RABL3: variants seen among roughly 807,000 people sequenced by gnomAD.
RABL3 encodes rab-like protein 3.
Under a neutral mutation model 31.8 loss-of-function variants are expected in RABL3, and 31 were observed. The ratio of observed to expected loss-of-function variants is 0.97; its 90% CI spans 0.73 to 1.31. RABL3 has a LOEUF of 1.31. RABL3 is among the 40% of genes most tolerant of loss of function. The probability of loss-of-function intolerance (pLI) is 0.00; values close to 1 mark genes in which losing one functional copy is unlikely to be tolerated. For missense variants in RABL3, 263 were observed against 279.6 expected, an observed-to-expected ratio of 0.94 and a Z score of 0.42; for synonymous variants, 97 against 99.9, an observed-to-expected ratio of 0.97 and a Z score of 0.18.
rs1708295318 is a variant in RABL3, at chr3:120,685,187, C to A, written c.*4636G>T. On this transcript the variant is annotated 3_prime_UTR_variant, in exon 8 of 8. Transcript: ENST00000273375. ...GATAGAAAGTGGAAAACATTACATC[C>A]AGGAATTGCTACAAGGTAATGTGAA... 6.6e-6 allele frequency among the ~76,000 whole-genome samples: 1 copy of A among 152,110 alleles called. No individual in the cohort carries two copies. The highest frequency in any genetic ancestry group is 2.1e-4 in the South Asian group (1 of 4,824).
rs146404343 is a variant in RABL3, at chr3:120,706,003, T to C, written c.380A>G (p.Asn127Ser). 21 of 1,596,040 alleles carry C rather than the reference T, an allele frequency of 1.3e-5. No individual in the cohort carries two copies. The highest frequency in any genetic ancestry group is 1.6e-5 in the Non-Finnish European group (19 of 1,163,478). ...DLVPTGVLVT[N>S]GDYDQEQFAD... ...ACCAATTGTGAAATTGGCTCACCCA[T>C]TTGTCACCAAGACTCCAGTTGGCAC... The change falls in exon 4 of 8, where the codon AAT becomes AGT. Residue 127 changes from asparagine to serine, a missense_variant. Physicochemically the swap from Asn to Ser is conservative, Grantham distance 46. Transcript: ENST00000273375.
rs150410018 is a variant in RABL3, at chr3:120,694,013, A to T, written c.606+140T>A. ...AGGCCTTGGGCAATTATACCAACAG[A>T]TAAGAGAGATCAAAACAAGGATTAT... is the stretch of plus-strand genomic sequence containing the variant. On this transcript the variant is annotated intron_variant, in intron 6 of 7. Transcript: ENST00000273375. 3 of 571,208 alleles carry T rather than the reference A, an allele frequency of 5.3e-6. No homozygotes were observed. In the East Asian group the frequency reaches 8.4e-5, roughly 16 times the overall value. 35.4% of individuals were successfully genotyped at this position (571,208 alleles called of 1,614,324 possible).
At chr3:120,713,995 A>T (rs1451969259) in intron 2 of RABL3, among the ~76,000 whole-genome samples, 1 of 152,092 alleles carries the variant, frequency 6.6e-6, no homozygotes, top group Non-Finnish European at 1.5e-5. Flanking sequence ...ATTTTTTAGT[A>T]GAAATGGGGT....
intron 2 of RABL3, chr3:120,710,586 A>T (rs1200057572): frequency 6.6e-6 from 1 of 152,080 alleles, no homozygotes; most frequent in Non-Finnish European, 1.5e-5. Context: ...CTGTTTTCTT[A>T]GGCTGCCTAT....
At chr3:120,717,515 C>G (rs1708685380) in intron 2 of RABL3, among the ~76,000 whole-genome samples, 1 of 152,118 alleles carries the variant, frequency 6.6e-6, no homozygotes. Flanking sequence ...GTTGCCCAGG[C>G]TGGAGTGCAG....
intron 1 of RABL3, among the ~76,000 whole-genome samples, chr3:120,741,260 C>T (rs1295780688): frequency 6.6e-6 from 1 of 152,204 alleles, no homozygotes; most frequent in African/African-American, 2.4e-5. Flanking sequence ...ATGAAGTCGA[C>T]ATAAATTGTG....
Position 120,709,866 on chromosome 3 carries a change from T to C in RABL3, c.182A>G (p.Tyr61Cys). The change falls in exon 3 of 8, where the codon TAC (tyrosine) becomes TGC (cysteine). Residue 61 changes from tyrosine (Y) to cysteine (C), a missense_variant. Physicochemically the swap from Tyr to Cys is radical, Grantham distance 194. Coordinates refer to ENST00000273375, the MANE Select transcript of RABL3 (RefSeq NM_173825.5). ...GCCTCCAACATCCCATAATTCTATG[T>C]AGTAGGTCTTCTCTTCTGGGGTTCC... The part of the protein sequence containing the change: ...KEGTPEEKTY[Y>C]IELWDVGGSV... 1 of 1,609,676 alleles carries C rather than the reference T, an allele frequency of 6.2e-7. No homozygotes were observed. Among genetic ancestry groups the C allele is most frequent in the South Asian group, 1.1e-5 (1 of 90,778 alleles).
At chr3:120,722,274 C>T (rs1270550941) in intron 2 of RABL3, 26 of 152,046 alleles carry the variant, frequency 1.7e-4, no homozygotes, top group Admixed American at 1.7e-3. Context: ...GGCTGCCCTC[C>T]ACCCTACCAT....
intron 2 of RABL3, chr3:120,722,097 C>T (rs986663592): frequency 2.0e-5 from 3 of 152,206 alleles, no homozygotes; most frequent in African/African-American, 7.2e-5. Flanking sequence ...CGATGTTATT[C>T]TGACTACCCC....
At position 120,687,547 on chromosome 3, in the gene RABL3, ATTC is replaced by A. The variant is rs1192333075; in HGVS notation, c.*2273_*2275del. On this transcript the variant is annotated 3_prime_UTR_variant, in exon 8 of 8. Transcript: ENST00000273375. ...GAAGTCCTAGCAAAAATTGTGCTTC[ATTC>A]TTTTTTGAATAACTCTAGCTAATAA... is the stretch of plus-strand genomic sequence containing the variant. 1 of 152,246 alleles carries A rather than the reference ATTC, an allele frequency of 6.6e-6. No individual in the cohort carries two copies. The highest frequency in any genetic ancestry group is 2.4e-5 in the African/African-American group (1 of 41,474). The allele number at this position is 152,246 out of a possible 1,614,324, so 9.4% of individuals were successfully genotyped here. A position where few individuals can be genotyped will look rare whatever the true frequency, so the allele number is the denominator to read the frequency against.
intron 6 of RABL3, among the ~76,000 whole-genome samples, 181 bp downstream of exon 6, chr3:120,693,972 G>T (rs1708408210): frequency 1.3e-5 from 2 of 152,176 alleles, no homozygotes; most frequent in South Asian, 2.1e-4. Context: ...ACTGGTGATG[G>T]AATAAATACG....
intron 2 of RABL3, among the ~76,000 whole-genome samples, chr3:120,727,355 T>A (rs1708834747): frequency 6.6e-6 from 1 of 152,178 alleles, no homozygotes; most frequent in Non-Finnish European, 1.5e-5. Context: ...GGAAAAAATT[T>A]TTTTGTGTCA....
At chr3:120,736,190 T>C (rs1708960944) in intron 1 of RABL3, among the ~76,000 whole-genome samples, 1 of 152,232 alleles carries the variant, frequency 6.6e-6, no homozygotes, top group South Asian at 2.1e-4. Flanking sequence ...AGTGTCTTTG[T>C]AGGTCTCCAA....
In RABL3 at chr3:120,688,748, A is replaced by T. The variant is rs181909061; in HGVS notation, c.*1075T>A. The stretch of plus-strand genomic sequence containing the variant: ...AGGAAGAACTGGGGCAGAGAAGATT[A>T]AGCAAGCAAAAAGATAGGTTAAAAA... On this transcript the variant is annotated 3_prime_UTR_variant, in exon 8 of 8. Coordinates refer to ENST00000273375, the MANE Select transcript of RABL3 (RefSeq NM_173825.5). The T allele has an allele frequency of 2.0e-5, 3 of 152,286 alleles. No homozygotes were observed. Among genetic ancestry groups the T allele is most frequent in the Admixed American group, 2.0e-4 (3 of 15,290 alleles). The allele number at this position is 152,286 out of a possible 1,614,324, so 9.4% of individuals were successfully genotyped here. A position where few individuals can be genotyped will look rare whatever the true frequency, so the allele number is the denominator to read the frequency against.
At chr3:120,697,512 C>G (rs1195292097) in intron 5 of RABL3, among the ~76,000 whole-genome samples, 1 of 152,218 alleles carries the variant, frequency 6.6e-6, no homozygotes, top group Non-Finnish European at 1.5e-5. Flanking sequence ...TGCAGAAATC[C>G]TATTTGTGAA....
At chr3:120,739,405 G>A (rs566286542) in intron 1 of RABL3, among the ~76,000 whole-genome samples, 1 of 152,064 alleles carries the variant, frequency 6.6e-6, no homozygotes, top group South Asian at 2.1e-4. Flanking sequence ...GGGAGTGACA[G>A]CTTGCTTTAG....
Position 120,689,599 on chromosome 3 carries a change from A to T in RABL3, c.*224T>A, listed in dbSNP as rs1559809253. 2.4e-6 allele frequency: 1 copy of T among 418,568 alleles called. No homozygotes were observed. The highest frequency in any genetic ancestry group is 3.8e-5 in the Admixed American group (1 of 26,282). 25.9% of individuals were successfully genotyped at this position (418,568 alleles called of 1,614,324 possible). The stretch of plus-strand genomic sequence containing the variant: ...TCATATTTACACAAGGCTTTTACAT[A>T]ATCTATACACAGGGACAGAAAGGTA... On this transcript the variant is annotated 3_prime_UTR_variant, in exon 8 of 8. Transcript: ENST00000273375.
chr3:120,713,804 G>C, intron 2 of RABL3, among the ~76,000 whole-genome samples: 1 of 139,556 alleles, frequency 7.2e-6, no homozygotes, highest in African/African-American at 2.6e-5. Flanking sequence ...TTCATTGTCT[G>C]TAACTTTTTT....
At chr3:120,720,613 A>G (rs535606665) in intron 2 of RABL3, among the ~76,000 whole-genome samples, 2 of 152,364 alleles carry the variant, frequency 1.3e-5, no homozygotes, top group South Asian at 4.1e-4. Flanking sequence ...AATGAAATGA[A>G]GCGAGAAGAT....
Sources: allele counts gnomAD v4.1 joint callset (sites outside exome capture counted in the v4.1 genomes callset), GRCh38; gene constraint gnomAD v4.1.1; transcripts MANE v1.5; gene names NCBI Gene and HGNC (gene_info 2026-07-23, HGNC 2026-07-21).